Variants in SLMAP observed in about 807,000 individuals in gnomAD.
SLMAP encodes the protein sarcolemmal membrane-associated protein.
A neutral mutation model predicts 128.8 loss-of-function variants in SLMAP; 44 were observed. The ratio of observed to expected loss-of-function variants is 0.34; its 90% CI spans 0.27 to 0.44. The LOEUF (loss-of-function observed/expected upper bound fraction) is 0.44. SLMAP is among the 20% of genes least tolerant of loss of function. The pLI, the probability that SLMAP is intolerant of heterozygous loss-of-function variation, is 1.00. For synonymous variants in SLMAP, 327 were observed against 348.8 expected (o/e 0.94, Z 0.70); for missense variants, 787 against 985.3 (o/e 0.80, Z 2.69).
chr3:57,922,770 AGACTT>A, intron 22 of SLMAP, 114 bp from the exon 23 acceptor site: 1 of 905,410 alleles, frequency 1.1e-6, no homozygotes, highest in Non-Finnish European at 1.6e-6. Context: ...TTAAACAAAA[AGACTT>A]GACTTTGGTG....
chr3:57,803,257 G>A (rs1033355502), intron 2 of SLMAP, among the ~76,000 whole-genome samples: 2 of 152,048 alleles, frequency 1.3e-5, no homozygotes, highest in African/African-American at 4.8e-5. Context: ...ATTAAAAAAG[G>A]CCATCAAGAT....
intron 3 of SLMAP, among the ~76,000 whole-genome samples, chr3:57,838,638 C>T (rs1002183263): frequency 2.1e-5 from 3 of 140,598 alleles, no homozygotes; most frequent in African/African-American, 7.5e-5. Context: ...ATATAGGAGG[C>T]TCTGGGGACA....
rs2096998258 is a variant in SLMAP, at chr3:57,925,860, C to T, written c.2461C>T (p.Pro821Ser). 7 of 1,550,932 alleles carry T rather than the reference C, an allele frequency of 4.5e-6. No homozygotes were observed. Among genetic ancestry groups the T allele is most frequent in the Non-Finnish European group, 6.1e-6 (7 of 1,146,898 alleles). ...CCTTCTTTAGCCTTCCATATTACAACCCGTCCCAGCCGTATTCATCGGCCT... is the reference window on the plus strand; with the variant it reads ...CCTTCTTTAGCCTTCCATATTACAATCCGTCCCAGCCGTATTCATCGGCCT... ...EKGNNPSILQ[P>S]VPAVFIGLFL... The change falls in exon 24 of 25, where the codon CCC (proline) becomes TCC (serine). Residue 821 changes from proline to serine, a missense_variant. Physicochemically the swap from Pro to Ser is moderately conservative, Grantham distance 74. This residue lies in a region of SLMAP where 715 missense variants were observed against 843.6 expected (regional missense o/e 0.85). Transcript: ENST00000671191.
intron 2 of SLMAP, among the ~76,000 whole-genome samples, chr3:57,780,241 G>A (rs2082752682): frequency 6.6e-6 from 1 of 151,678 alleles, no homozygotes; most frequent in South Asian, 2.1e-4. Context: ...TGACCTCCTG[G>A]GCTCAAGCCA....
chr3:57,910,289 A>G (rs2096662866), intron 19 of SLMAP, among the ~76,000 whole-genome samples: 1 of 152,074 alleles, frequency 6.6e-6, no homozygotes, highest in Admixed American at 6.6e-5. Flanking sequence ...TCCCGAGTTC[A>G]AGTGATTCTG....
chr3:57,917,544 T>C (rs1230950255), intron 22 of SLMAP: 1 of 163,064 alleles, frequency 6.1e-6, no homozygotes, highest in Admixed American at 6.0e-5. Flanking sequence ...TTTACTTTCT[T>C]CCTCCCACCC....
chr3:57,792,805 A>G (rs2085794004), intron 2 of SLMAP, among the ~76,000 whole-genome samples: 2 of 152,138 alleles, frequency 1.3e-5, no homozygotes, highest in Admixed American at 1.3e-4. Context: ...AGAAATGTAA[A>G]AAGTCTGGGC....
intron 8 of SLMAP, among the ~76,000 whole-genome samples, chr3:57,858,873 C>G (rs2094912780): frequency 1.3e-5 from 2 of 152,108 alleles, no homozygotes; most frequent in South Asian, 4.2e-4. Context: ...ACCCAGGAGG[C>G]AGAGGTTGCA....
intron 13 of SLMAP, among the ~76,000 whole-genome samples, chr3:57,868,770 T>C: frequency 7.3e-6 from 1 of 136,752 alleles, no homozygotes; most frequent in African/African-American, 2.7e-5. Context: ...TTAGTCAGGG[T>C]TCTCTAGAGG....
At chr3:57,766,092 G>T (rs1033668543) in intron 2 of SLMAP, among the ~76,000 whole-genome samples, 2 of 148,108 alleles carry the variant, frequency 1.4e-5, no homozygotes, top group African/African-American at 5.0e-5. Context: ...TCCGCCTCCC[G>T]GGTTCACGCC....
intron 2 of SLMAP, among the ~76,000 whole-genome samples, chr3:57,806,171 T>C (rs1339238103): frequency 1.3e-5 from 2 of 152,108 alleles, no homozygotes; most frequent in Non-Finnish European, 1.5e-5. Flanking sequence ...AAGCCCTGTA[T>C]GCATTAGCCA....
At chr3:57,897,998 G>A (rs1575931097) in intron 17 of SLMAP, 2 of 152,150 alleles carry the variant, frequency 1.3e-5, no homozygotes, top group Non-Finnish European at 2.9e-5. Context: ...TGGTAGTGGT[G>A]TACTAACACC....
intron 17 of SLMAP, 145 bp downstream of exon 17, chr3:57,897,077 T>G: frequency 1.4e-6 from 2 of 1,413,252 alleles, no homozygotes; most frequent in Non-Finnish European, 1.8e-6. Flanking sequence ...ACTAAAAATT[T>G]AAAGTTTTGG....
chr3:57,895,936 G>A (rs1207441019), intron 15 of SLMAP, among the ~76,000 whole-genome samples: 1 of 146,898 alleles, frequency 6.8e-6, no homozygotes, highest in African/African-American at 2.5e-5. Context: ...AGAGCAAGAC[G>A]CTGTCTCAAA....
At chr3:57,861,808 C>T (rs1019718269) in intron 9 of SLMAP, 141 bp from the exon 10 acceptor site, 3 of 618,992 alleles carry the variant, frequency 4.8e-6, no homozygotes, top group South Asian at 4.2e-5. Flanking sequence ...TTATTTGACT[C>T]AGCTTTATTT....
intron 6 of SLMAP, among the ~76,000 whole-genome samples, chr3:57,854,408 G>A (rs1205268236): frequency 6.6e-6 from 1 of 152,000 alleles, no homozygotes; most frequent in Non-Finnish European, 1.5e-5. Context: ...GACCAGCCTG[G>A]CAAACATGGA....
At chr3:57,763,344 G>A (rs557225372) in intron 2 of SLMAP, among the ~76,000 whole-genome samples, 12 of 148,590 alleles carry the variant, frequency 8.1e-5, no homozygotes, top group South Asian at 2.1e-4. Flanking sequence ...GTGTGATCTC[G>A]GCTCACTGCA....
intron 2 of SLMAP, among the ~76,000 whole-genome samples, chr3:57,813,787 A>G (rs186228307): frequency 3.3e-5 from 5 of 152,288 alleles, no homozygotes. Context: ...ATGGATACTG[A>G]GACATGATGT....
At chr3:57,896,986 G>C (rs2096259256) in intron 17 of SLMAP, 54 bp downstream of exon 17, 1 of 1,608,570 alleles carries the variant, frequency 6.2e-7, no homozygotes, top group African/African-American at 1.3e-5. Context: ...ATCACCCTTT[G>C]CCATAAAATC....
Sources: gnomAD v4.1 joint callset for allele counts (sites outside exome capture counted in the v4.1 genomes callset) on GRCh38, gnomAD v4.1.1 for gene constraint, gnomAD v4.1.1 regional missense constraint, MANE v1.5 for transcripts, NCBI Gene and HGNC (gene_info 2026-07-23, HGNC 2026-07-21) for gene names.